WDFY1: variants seen among roughly 807,000 people sequenced by gnomAD.
The protein encoded by WDFY1 is WD repeat and FYVE domain-containing protein 1.
Under a neutral mutation model 56.4 loss-of-function variants are expected in WDFY1, and 32 were observed. That is an observed-to-expected ratio of 0.57 (90% confidence interval 0.43 to 0.76). The LOEUF (loss-of-function observed/expected upper bound fraction) is 0.76. Among genes scored for constraint, WDFY1 ranks in the 30% least tolerant of loss-of-function variants. WDFY1 has a pLI of 0.00. For synonymous variants in WDFY1, 192 were observed against 197.3 expected, an observed-to-expected ratio of 0.97 and a Z score of 0.23; for missense variants, 480 against 545.7, an observed-to-expected ratio of 0.88 and a Z score of 1.20.
chr2:223,907,753 C>A (rs1693622311), intron 3 of WDFY1, among the ~76,000 whole-genome samples: 1 of 152,204 alleles, frequency 6.6e-6, no homozygotes. Context: ...TTTCCAGCAC[C>A]CTCACCTGCC....
chr2:223,895,656 AGAGG>A, intron 6 of WDFY1, 26 bp from the exon 7 acceptor site: 2 of 1,611,668 alleles, frequency 1.2e-6, no homozygotes, highest in Non-Finnish European at 1.7e-6. Context: ...AGAGAGAGAG[AGAGG>A]GAGGCAGGGG....
intron 1 of WDFY1, among the ~76,000 whole-genome samples, chr2:223,944,793 T>C (rs1304604025): frequency 1.4e-5 from 2 of 143,114 alleles, no homozygotes; most frequent in Admixed American, 7.0e-5. Flanking sequence ...AGGGGCGCGG[T>C]AGGGCGCACT....
At chr2:223,919,408 A>G (rs574892858) in intron 1 of WDFY1, among the ~76,000 whole-genome samples, 1 of 152,266 alleles carries the variant, frequency 6.6e-6, no homozygotes, top group African/African-American at 2.4e-5. Context: ...ATGGGGTTTC[A>G]TTATGTTGGC....
chr2:223,935,508 C>A (rs1694154439), intron 1 of WDFY1, among the ~76,000 whole-genome samples: 1 of 152,140 alleles, frequency 6.6e-6, no homozygotes. Flanking sequence ...AAGATGAATA[C>A]CTAAATTCTA....
intron 1 of WDFY1, among the ~76,000 whole-genome samples, chr2:223,930,446 C>T (rs576462961): frequency 7.9e-5 from 12 of 152,356 alleles, no homozygotes; most frequent in East Asian, 3.9e-4. Flanking sequence ...TCTCTTGCCT[C>T]AGCCTCCTGA....
chr2:223,945,245 G>A lies in WDFY1; in HGVS notation c.40C>T (p.Pro14Ser). ...CCCTCGATCTTGCTCAGCAGCACCG[G>A]GCGGCTGCTCTGCGGCCTGGAGTGG... ...EIHSRPQSSR[P>S]VLLSKIEGHQ... The change falls in exon 1 of 12, where the codon CCG becomes TCG. Residue 14 changes from proline to serine, a missense_variant. By Grantham distance (74) the Pro-to-Ser change is moderately conservative (BLOSUM62 -1). Transcript: ENST00000233055. 6.3e-7 allele frequency: 1 copy of A among 1,590,850 alleles called. No individual in the cohort carries two copies. The highest frequency in any genetic ancestry group is 8.5e-7 in the Non-Finnish European group (1 of 1,172,748).
chr2:223,940,293 A>G (rs1482721652), intron 1 of WDFY1, among the ~76,000 whole-genome samples: 3 of 152,026 alleles, frequency 2.0e-5, no homozygotes. Context: ...TGATGCATGC[A>G]GTAAATAAAG....
chr2:223,922,102 G>A lies in WDFY1; in HGVS notation c.138-4092C>T, dbSNP rs927038367. Among the ~76,000 whole-genome samples, 3 of 152,156 alleles carry A rather than the reference G, an allele frequency of 2.0e-5. 1 individual carries two copies. Among genetic ancestry groups the A allele is most frequent in the Non-Finnish European group, 4.4e-5 (3 of 68,022 alleles). ...CCCATCCCAGAGCCTGCATCCCAGTGAGCTGTCATCCTCACATTCCCTGAA... is the reference window on the plus strand; with the variant it reads ...CCCATCCCAGAGCCTGCATCCCAGTAAGCTGTCATCCTCACATTCCCTGAA... On this transcript the variant is annotated intron_variant, in intron 1 of 11. Coordinates refer to ENST00000233055, the MANE Select transcript of WDFY1 (RefSeq NM_020830.5).
At chr2:223,939,384 G>A (rs1487891606) in intron 1 of WDFY1, among the ~76,000 whole-genome samples, 2 of 152,092 alleles carry the variant, frequency 1.3e-5, no homozygotes, top group African/African-American at 4.8e-5. Context: ...TTTGGTGTGG[G>A]GCATAACAGG....
intron 5 of WDFY1, 99 bp downstream of exon 5, chr2:223,901,084 A>G: frequency 7.1e-7 from 1 of 1,404,400 alleles, no homozygotes; most frequent in Non-Finnish European, 9.5e-7. Context: ...AATAGGTTTC[A>G]TTCAGTCTTT....
intron 1 of WDFY1, among the ~76,000 whole-genome samples, chr2:223,919,511 C>T (rs1361532230): frequency 6.6e-6 from 1 of 152,076 alleles, no homozygotes; most frequent in Non-Finnish European, 1.5e-5. Flanking sequence ...ACACTCGGCC[C>T]TTATTTATTA....
At chr2:223,901,810 A>T (rs1399926442) in intron 4 of WDFY1, among the ~76,000 whole-genome samples, 1 of 152,210 alleles carries the variant, frequency 6.6e-6, no homozygotes, top group East Asian at 1.9e-4. Context: ...GCAGTTTTCT[A>T]AAATTAAAAA....
chr2:223,884,521 G>A, intron 9 of WDFY1, 127 bp downstream of exon 9: 1 of 847,444 alleles, frequency 1.2e-6, no homozygotes, highest in Non-Finnish European at 1.9e-6. Flanking sequence ...CAATGATAAA[G>A]ACATAGAAAA....
At chr2:223,901,117 G>A in intron 5 of WDFY1, 66 bp downstream of exon 5, 4 of 1,521,794 alleles carry the variant, frequency 2.6e-6, no homozygotes, top group Non-Finnish European at 2.7e-6. Flanking sequence ...TTTGGGATGA[G>A]ATTCAGAACC....
At chr2:223,912,172 C>T (rs1440754708) in intron 3 of WDFY1, 81 bp downstream of exon 3, 4 of 1,399,762 alleles carry the variant, frequency 2.9e-6, no homozygotes, top group Non-Finnish European at 3.9e-6. Context: ...CCAAAGTTAA[C>T]TGGCCAATAT....
rs1259690913 is a variant in WDFY1 at position 223,898,829 on chromosome 2, T to C, written c.598+129A>G. On this transcript the variant is annotated intron_variant, in intron 6 of 11. Coordinates refer to ENST00000233055, the MANE Select transcript of WDFY1 (RefSeq NM_020830.5). ...CACTTAGTTTTCACTCTAAATCCCATATCTGGCCAATCAAAATGAAATCTG... is the reference window on the plus strand; with the variant it reads ...CACTTAGTTTTCACTCTAAATCCCACATCTGGCCAATCAAAATGAAATCTG... 13 of 704,468 alleles carry C rather than the reference T, an allele frequency of 1.8e-5. No homozygotes were observed. The Middle Eastern group carries it at 1.4e-3, about 74-fold the overall frequency. The allele number at this position is 704,468 out of a possible 1,614,324, so 43.6% of individuals were successfully genotyped here. A position where few individuals can be genotyped will look rare whatever the true frequency, so the allele number is the denominator to read the frequency against.
Position 223,925,666 on chromosome 2 carries a change from T to C in WDFY1, c.138-7656A>G, listed in dbSNP as rs552597444. Among the ~76,000 whole-genome samples, 4 of 152,342 alleles carry C rather than the reference T, an allele frequency of 2.6e-5. No homozygotes were observed. The South Asian group carries it at 6.2e-4, about 24-fold the overall frequency. ...ATGCAATTTAATAGCATTTTACCCA[T>C]AATAGAACTTCTTTCAAAAGTGGAG... On this transcript the variant is annotated intron_variant, in intron 1 of 11. Transcript: ENST00000233055.
Position 223,895,556 on chromosome 2 carries a change from T to C in WDFY1, c.673A>G (p.Met225Val). ...CCTTTCCTTCCTCCGATGTCCCACA[T>C]GATGATGCTGTTGTCAGATGCTCCT... ...FSGASDNSIIMWDIGGRKGRT... is the reference protein window; with the variant it reads ...FSGASDNSIIVWDIGGRKGRT... The change falls in exon 7 of 12, where the codon ATG becomes GTG. Residue 225 changes from methionine (M) to valine (V), a missense_variant. Coordinates refer to ENST00000233055, the MANE Select transcript of WDFY1 (RefSeq NM_020830.5). The C allele has an allele frequency of 1.2e-6, 2 of 1,614,008 alleles. No individual in the cohort carries two copies. Among genetic ancestry groups the C allele is most frequent in the South Asian group, 1.1e-5 (1 of 91,078 alleles).
chr2:223,914,346 T>C (rs1693753490), intron 2 of WDFY1, among the ~76,000 whole-genome samples: 1 of 152,190 alleles, frequency 6.6e-6, no homozygotes, highest in South Asian at 2.1e-4. Context: ...AATCAAATGT[T>C]TAAAACTTTG....
Sources: allele counts gnomAD v4.1 joint callset (sites outside exome capture counted in the v4.1 genomes callset), GRCh38; gene constraint gnomAD v4.1.1; transcripts MANE v1.5; gene names NCBI Gene and HGNC (gene_info 2026-07-23, HGNC 2026-07-21).